Variants in MPDZ observed in about 807,000 individuals in gnomAD.
The protein encoded by MPDZ is multiple PDZ domain crumbs cell polarity complex component.
MPDZ carries 234 observed loss-of-function variants against 239.1 expected under a neutral mutation model. That is an observed-to-expected ratio of 0.98 (90% CI 0.88 to 1.09). The LOEUF (loss-of-function observed/expected upper bound fraction) is 1.09. Ranked by LOEUF, MPDZ falls within the 50% of genes least tolerant of loss-of-function variation. MPDZ has a pLI of 0.00. For synonymous variants in MPDZ, 1,048 were observed against 881.3 expected (o/e 1.19, Z -3.35); for missense variants, 3,175 against 2,510.0 (o/e 1.26, Z -5.66).
intron 22 of MPDZ, among the ~76,000 whole-genome samples, chr9:13,166,187 C>T (rs997384374): frequency 6.6e-6 from 1 of 152,024 alleles, no homozygotes; most frequent in Non-Finnish European, 1.5e-5. Flanking sequence ...CTTAATGGGC[C>T]TGAGGCAATG....
At chr9:13,250,652 A>G (rs1564132295) in intron 1 of MPDZ, among the ~76,000 whole-genome samples, 1 of 152,150 alleles carries the variant, frequency 6.6e-6, no homozygotes, top group Non-Finnish European at 1.5e-5. Flanking sequence ...ATTTCCATAA[A>G]GAGTTCTCAG....
chr9:13,226,915 A>T (rs929068212), intron 3 of MPDZ, among the ~76,000 whole-genome samples: 1 of 152,178 alleles, frequency 6.6e-6, no homozygotes, highest in African/African-American at 2.4e-5. Context: ...CCTTTCAAGT[A>T]TCATCTCAAT....
chr9:13,150,506 G>A lies in MPDZ; in HGVS notation c.3630+5C>T. 2 of 1,524,824 alleles carry A rather than the reference G, an allele frequency of 1.3e-6. No individual in the cohort carries two copies. Among genetic ancestry groups the A allele is most frequent in the Non-Finnish European group, 1.8e-6 (2 of 1,132,936 alleles). 94.5% of individuals were successfully genotyped at this position (1,524,824 alleles called of 1,614,324 possible). A position where few individuals can be genotyped will look rare whatever the true frequency, so the allele number is the denominator to read the frequency against. Reference sequence around the variant, plus strand: ...TTTTAGCACAGAAAGCTCACTAGAGGGTACCTCTACGATTCTATCTCCAGG... The same window carrying A: ...TTTTAGCACAGAAAGCTCACTAGAGAGTACCTCTACGATTCTATCTCCAGG... On this transcript the variant is annotated splice_donor_5th_base_variant and intron_variant, in intron 25 of 46. Coordinates refer to ENST00000319217, the MANE Select transcript of MPDZ (RefSeq NM_001378778.1).
At chr9:13,265,321 G>C (rs570041755) in intron 1 of MPDZ, among the ~76,000 whole-genome samples, 1 of 152,298 alleles carries the variant, frequency 6.6e-6, no homozygotes, top group Non-Finnish European at 1.5e-5. Flanking sequence ...TGTCATCCCA[G>C]CACTTTGGGA....
intron 21 of MPDZ, among the ~76,000 whole-genome samples, chr9:13,174,522 T>A (rs1371418145): frequency 6.6e-6 from 1 of 152,128 alleles, no homozygotes; most frequent in Non-Finnish European, 1.5e-5. Context: ...CACACTGGAG[T>A]ATAAAAGATA....
chr9:13,136,204 C>T (rs752001174), intron 30 of MPDZ, 22 bp from the exon 31 acceptor site: 19 of 1,480,824 alleles, frequency 1.3e-5, no homozygotes, highest in Non-Finnish European at 1.8e-5. Context: ...AAAACAACAA[C>T]CTATTATAAC....
chr9:13,262,335 T>C (rs1228000568), intron 1 of MPDZ, among the ~76,000 whole-genome samples: 1 of 151,790 alleles, frequency 6.6e-6, no homozygotes, highest in Non-Finnish European at 1.5e-5. Context: ...CTGTAGTCCC[T>C]GCTATTCAGG....
chr9:13,244,209 A>G (rs1966066327), intron 3 of MPDZ, among the ~76,000 whole-genome samples: 1 of 152,196 alleles, frequency 6.6e-6, no homozygotes, highest in African/African-American at 2.4e-5. Flanking sequence ...CCTATACTGG[A>G]CTGGAGAAAC....
intron 23 of MPDZ, among the ~76,000 whole-genome samples, chr9:13,161,868 A>AT (rs1454457616): frequency 6.6e-6 from 1 of 152,164 alleles, no homozygotes; most frequent in African/African-American, 2.4e-5. Context: ...AATACTTTGT[A>AT]TATCAAGTGC....
At chr9:13,188,335 T>C (rs986522641) in intron 17 of MPDZ, among the ~76,000 whole-genome samples, 1 of 152,018 alleles carries the variant, frequency 6.6e-6, no homozygotes, top group Non-Finnish European at 1.5e-5. Context: ...CTGGCCAACA[T>C]GGTGAAACTC....
At position 13,219,350 on chromosome 9, in the gene MPDZ, G is replaced by A. The variant is rs547269320; in HGVS notation, c.1086+209C>T. Among the ~76,000 whole-genome samples the A allele has an allele frequency of 4.5e-4, 69 of 152,028 alleles. 1 individual carries two copies. Among genetic ancestry groups the A allele is most frequent in the African/African-American group, 1.6e-3 (65 of 41,510 alleles). ...ATAAAAATGTAAAATAATCTAGCATGTTTAAGCAACCTATTTTTCATTTGT... is the reference window on the plus strand; with the variant it reads ...ATAAAAATGTAAAATAATCTAGCATATTTAAGCAACCTATTTTTCATTTGT... On this transcript the variant is annotated intron_variant, in intron 8 of 46. Coordinates refer to ENST00000319217, the MANE Select transcript of MPDZ (RefSeq NM_001378778.1).
intron 1 of MPDZ, among the ~76,000 whole-genome samples, chr9:13,263,370 C>CA (rs1371037176): frequency 7.6e-6 from 1 of 132,268 alleles, no homozygotes; most frequent in Non-Finnish European, 1.6e-5. Context: ...CAATATTTTT[C>CA]AAATCCTCCT....
At position 13,148,474 on chromosome 9, in the gene MPDZ, A is replaced by T. The variant is rs148778278; in HGVS notation, c.3631-816T>A. On this transcript the variant is annotated intron_variant, in intron 25 of 46. Transcript: ENST00000319217. ...AGAGTGGACACAACTCTAGAAAAGAACATTATTAGATCTTTGCATAGAACA... is the reference window on the plus strand; with the variant it reads ...AGAGTGGACACAACTCTAGAAAAGATCATTATTAGATCTTTGCATAGAACA... Among the ~76,000 whole-genome samples the T allele has an allele frequency of 1.1e-3, 169 of 152,178 alleles. 1 individual carries two copies. The highest frequency in any genetic ancestry group is 3.9e-3 in the African/African-American group (160 of 41,546).
chr9:13,231,715 A>AC (rs963814321), intron 3 of MPDZ, among the ~76,000 whole-genome samples: 18 of 7,374 alleles, frequency 2.4e-3, no homozygotes, highest in South Asian at 0.12. Context: ...ATTTTTTGTG[A>AC]CAAAAAAAGG....
intron 3 of MPDZ, among the ~76,000 whole-genome samples, chr9:13,225,258 A>G (rs1960186198): frequency 6.6e-6 from 1 of 152,106 alleles, no homozygotes; most frequent in Non-Finnish European, 1.5e-5. Context: ...TTAATTTATT[A>G]TTGAAGGAAG....
At chr9:13,123,366 A>C in intron 35 of MPDZ, 68 bp from the exon 36 acceptor site, 5 of 1,352,124 alleles carry the variant, frequency 3.7e-6, no homozygotes, top group Non-Finnish European at 4.1e-6. Context: ...CAAACTCATC[A>C]CACAGATTGA....
intron 27 of MPDZ, among the ~76,000 whole-genome samples, chr9:13,141,771 T>C (rs547380337): frequency 6.6e-6 from 1 of 152,248 alleles, no homozygotes; most frequent in African/African-American, 2.4e-5. Context: ...AGCACTCAAT[T>C]TTCTGGCAAA....
chr9:13,118,983 C>A (rs964164696), intron 39 of MPDZ, among the ~76,000 whole-genome samples: 3 of 152,158 alleles, frequency 2.0e-5, no homozygotes, highest in African/African-American at 7.2e-5. Context: ...GATGACAGAT[C>A]TGCTTCTGAT....
chr9:13,190,431 T>C (rs1357291332), intron 15 of MPDZ, 132 bp from the exon 16 acceptor site: 1 of 755,386 alleles, frequency 1.3e-6, no homozygotes, highest in East Asian at 3.1e-5. Flanking sequence ...GCAACAGCTT[T>C]TCATGAAACC....
Sources: allele counts gnomAD v4.1 joint callset (sites outside exome capture counted in the v4.1 genomes callset), GRCh38; gene constraint gnomAD v4.1.1; transcripts MANE v1.5; gene names NCBI Gene and HGNC (gene_info 2026-07-23, HGNC 2026-07-21).